The following RRN3 variants were observed in gnomAD, a reference collection of about 807,000 sequenced individuals.
RRN3 encodes the protein RNA polymerase I transcription factor RRN3.
A neutral mutation model predicts 82.3 loss-of-function variants in RRN3; 38 were observed. The ratio of observed to expected loss-of-function variants is 0.46; its 90% CI spans 0.36 to 0.61. The LOEUF is 0.61. Ranked by LOEUF, RRN3 falls within the 20% of genes least tolerant of loss-of-function variation. RRN3 has a pLI of 0.00. For missense variants in RRN3, 726 were observed against 793.1 expected (o/e 0.92, Z 1.02); for synonymous variants, 284 against 284.3 (o/e 1.00, Z 0.01).
chr16:15,062,026 A>G, intron 17 of RRN3, 121 bp from the exon 18 acceptor site: 1 of 1,050,058 alleles, frequency 9.5e-7, no homozygotes, highest in East Asian at 2.6e-5. Context: ...TCTTAATTTC[A>G]AAAGAAAGCC....
At chr16:15,071,366 C>T (rs1463465909) in intron 12 of RRN3, 115 bp from the exon 13 acceptor site, 2 of 959,134 alleles carry the variant, frequency 2.1e-6, no homozygotes, top group African/African-American at 3.3e-5. Context: ...TATCTCATAA[C>T]TATCTCATGG....
intron 15 of RRN3, among the ~76,000 whole-genome samples, chr16:15,066,983 G>A (rs538454158): frequency 2.0e-5 from 3 of 151,184 alleles, no homozygotes; most frequent in South Asian, 4.3e-4. Flanking sequence ...AACATACCAG[G>A]GGCAGCGGCC....
At position 15,088,359 on chromosome 16, in the gene RRN3, C is replaced by G. The variant is rs543132070; in HGVS notation, c.253-1905G>C. 3.3e-5 allele frequency among the ~76,000 whole-genome samples: 5 copies of G among 151,770 alleles called. No individual in the cohort carries two copies. In the South Asian group the frequency reaches 8.3e-4, roughly 25 times the overall value. On this transcript the variant is annotated intron_variant, in intron 3 of 17. Transcript: ENST00000198767. ...GCACATGCTTGTGGTCCCAGATGCT[C>G]GGGAGCCTGAGGTGGGAAGATTGCT...
rs199902960 is a variant in RRN3 at position 15,070,193 on chromosome 16, C to G, written c.1321G>C (p.Asp441His). The part of the protein sequence containing the change: ...NWLHIYLNNQ[D>H]SGTKAFCDVA... ...TCGCAGAATGCCTTTGTTCCCGAAT[C>G]CTGGTTATTAAGGTATATGTGCAGC... Residue 441 changes from aspartate to histidine, a missense_variant, in exon 14 of 18, where the codon GAT (aspartate) becomes CAT (histidine). Around this residue, in one of 4 missense-constraint regions of RRN3, gnomAD observed 81 missense variants for 156.4 expected, o/e 0.52. Transcript: ENST00000198767. 14 of 1,608,374 alleles carry G rather than the reference C, an allele frequency of 8.7e-6. No individual in the cohort carries two copies. The highest frequency in any genetic ancestry group is 1.2e-5 in the Non-Finnish European group (14 of 1,179,068).
In RRN3 at chr16:15,061,837, C is replaced by G; in HGVS notation, c.1863G>C (p.Gly621=). 6.2e-7 allele frequency: 1 copy of G among 1,614,038 alleles called. No homozygotes were observed. Among genetic ancestry groups the G allele is most frequent in the Non-Finnish European group, 8.5e-7 (1 of 1,179,854 alleles). The change falls in exon 18 of 18, where the codon GGG becomes GGC. Residue 621 remains glycine, a synonymous_variant. Coordinates refer to ENST00000198767, the MANE Select transcript of RRN3 (RefSeq NM_018427.5). ...GCGTGTCAAAGGAGCTTGGTGTGAT[C>G]CCAATCACGGTATCATTCTGGGGCA... The part of the protein sequence containing the change: ...GEVPQNDTVI[G]ITPSSFDTHF...
rs573835073 is a variant in RRN3, at chr16:15,073,467, A to G, written c.998-387T>C. Among the ~76,000 whole-genome samples the G allele has an allele frequency of 8.5e-5, 13 of 152,326 alleles. No individual in the cohort carries two copies. In the East Asian group the frequency reaches 2.3e-3, roughly 27 times the overall value. Reference sequence around the variant, plus strand: ...AAGACCGTGGCTATTTAAAAAAAAAAGAAAGACAGACATTATCCATTAAAA... The same window carrying G: ...AAGACCGTGGCTATTTAAAAAAAAAGGAAAGACAGACATTATCCATTAAAA... On this transcript the variant is annotated intron_variant, in intron 11 of 17. Transcript: ENST00000198767.
intron 10 of RRN3, 94 bp from the exon 11 acceptor site, chr16:15,074,955 G>A (rs1344035799): frequency 7.8e-6 from 10 of 1,285,494 alleles, no homozygotes; most frequent in African/African-American, 1.5e-5. Flanking sequence ...TCCCTTAAAA[G>A]ATAAAACAAA....
intron 14 of RRN3, among the ~76,000 whole-genome samples, chr16:15,068,818 A>G (rs2045095419): frequency 6.6e-6 from 1 of 152,212 alleles, no homozygotes; most frequent in Non-Finnish European, 1.5e-5. Context: ...CTTAATGAAT[A>G]TAATTCTTTT....
rs747521096 is a variant in RRN3, at chr16:15,094,243, C to A, written c.-10G>T. The A allele has an allele frequency of 1.9e-6, 3 of 1,567,950 alleles. No individual in the cohort carries two copies. The highest frequency in any genetic ancestry group is 1.7e-6 in the Non-Finnish European group (2 of 1,155,334). On this transcript the variant is annotated 5_prime_UTR_variant, in exon 1 of 18. Transcript: ENST00000198767. Reference sequence around the variant, plus strand: ...GCAGCGGTGCCGCCATTGGGCCGAACTAACGCGACCGCTGCGCCTCAGGCC... The same window carrying A: ...GCAGCGGTGCCGCCATTGGGCCGAAATAACGCGACCGCTGCGCCTCAGGCC...
chr16:15,088,113 T>C (rs568042190), intron 3 of RRN3, among the ~76,000 whole-genome samples: 7 of 150,990 alleles, frequency 4.6e-5, no homozygotes, highest in Non-Finnish European at 1.0e-4. Context: ...CAAAACTCCG[T>C]CTCAAAAAGA....
chr16:15,074,087 G>A (rs2045350515), intron 11 of RRN3, among the ~76,000 whole-genome samples: 1 of 152,196 alleles, frequency 6.6e-6, no homozygotes, highest in African/African-American at 2.4e-5. Flanking sequence ...GTTCTCTGAA[G>A]AGTAGAAATG....
At chr16:15,081,172 T>A (rs1281544255) in intron 8 of RRN3, among the ~76,000 whole-genome samples, 1 of 152,248 alleles carries the variant, frequency 6.6e-6, no homozygotes, top group Admixed American at 6.5e-5. Flanking sequence ...GATGCTGCTA[T>A]GACCATCCAT....
chr16:15,079,861 T>C, intron 9 of RRN3, 137 bp downstream of exon 9: 2 of 986,818 alleles, frequency 2.0e-6, no homozygotes, highest in Non-Finnish European at 2.9e-6. Flanking sequence ...CCTCCCAAAG[T>C]GCTGGGAATA....
At position 15,085,689 on chromosome 16, in the gene RRN3, A is replaced by C. The variant is rs2045889716; in HGVS notation, c.482T>G (p.Ile161Ser). The part of the protein sequence containing the change: ...IASHFVPPRV[I>S]IKEGDVDVSD... ...AACATCTACATCGCCTTCCTTAATG[A>C]TCACTCGGGCTTTTGAGGGAAAAAG... Residue 161 changes from isoleucine (I) to serine (S), a missense_variant, in exon 6 of 18, where the codon ATC (isoleucine) becomes AGC (serine). Ile to Ser is a moderately radical substitution (Grantham distance 142). Transcript: ENST00000198767. The C allele has an allele frequency of 6.2e-7, 1 of 1,613,362 alleles. No homozygotes were observed. The highest frequency in any genetic ancestry group is 8.5e-7 in the Non-Finnish European group (1 of 1,179,810).
In RRN3 at chr16:15,065,364, G is replaced by A. The variant is rs2044922674; in HGVS notation, c.1561C>T (p.Gln521Ter). Residue 521 changes from glutamine (Q) to a stop codon, truncating the protein, a stop_gained, in exon 16 of 18, where the codon CAG (glutamine) becomes TAG (stop). Transcript: ENST00000198767. LOFTEE classifies it high-confidence loss of function. ...ATGATGGTGTAGCAGAAGACGAGCT[G>A]GTACTTACTGTGGAACAAAAAAACA... ...NFFAAITNKY[Q>*]LVFCYTIIER... 6.2e-7 allele frequency: 1 copy of A among 1,612,882 alleles called. No homozygotes were observed. Among genetic ancestry groups the A allele is most frequent in the Non-Finnish European group, 8.5e-7 (1 of 1,179,308 alleles).
intron 9 of RRN3, among the ~76,000 whole-genome samples, chr16:15,078,441 C>T (rs1476025136): frequency 1.3e-5 from 2 of 152,044 alleles, no homozygotes; most frequent in Non-Finnish European, 2.9e-5. Flanking sequence ...CACATCCTCT[C>T]CCGAAATGCA....
rs774193274 is a variant in RRN3 at position 15,061,704 on chromosome 16, G to A, written c.*40C>T. The A allele has an allele frequency of 1.6e-5, 26 of 1,583,344 alleles. 1 individual carries two copies. Among genetic ancestry groups the A allele is most frequent in the South Asian group, 2.2e-5 (2 of 89,538 alleles). On this transcript the variant is annotated 3_prime_UTR_variant, in exon 18 of 18. Coordinates refer to ENST00000198767, the MANE Select transcript of RRN3 (RefSeq NM_018427.5). ...GTGCTGAGGGCATGACAAGTGATGG[G>A]GAATCCCAAATGTCACATCTCAGTC...
chr16:15,077,860 CT>C (rs1444184619), intron 9 of RRN3, among the ~76,000 whole-genome samples: 1 of 152,016 alleles, frequency 6.6e-6, no homozygotes, highest in Non-Finnish European at 1.5e-5. Context: ...ACAAAAACAT[CT>C]CTTTTTCTTC....
rs1189716459 is a variant in RRN3 at position 15,060,813 on chromosome 16, T to TA, written c.*930dup. On this transcript the variant is annotated 3_prime_UTR_variant, in exon 18 of 18. Coordinates refer to ENST00000198767, the MANE Select transcript of RRN3 (RefSeq NM_018427.5). ...GAGCAAAACCGTACACCAAATAATC[T>TA]AAAAAAATTTTCCTGTTTCCAACAA... is the stretch of plus-strand genomic sequence containing the variant. 6.6e-6 allele frequency: 1 copy of TA among 152,186 alleles called. No homozygotes were observed. Among genetic ancestry groups the TA allele is most frequent in the Non-Finnish European group, 1.5e-5 (1 of 68,054 alleles). 9.4% of individuals were successfully genotyped at this position (152,186 alleles called of 1,614,324 possible).
Sources: gnomAD v4.1 joint callset for allele counts (sites outside exome capture counted in the v4.1 genomes callset) on GRCh38, gnomAD v4.1.1 for gene constraint, gnomAD v4.1.1 regional missense constraint, MANE v1.5 for transcripts, NCBI Gene and HGNC (gene_info 2026-07-23, HGNC 2026-07-21) for gene names.